Variants in SPEG observed in about 807,000 individuals in gnomAD.
The protein encoded by SPEG is striated muscle enriched protein kinase, also known as striated muscle preferentially expressed protein kinase.
SPEG carries 114 observed loss-of-function variants against 300.4 expected under a neutral mutation model. The observed-to-expected ratio is 0.38, with a 90% CI of 0.33 to 0.44. The LOEUF (loss-of-function observed/expected upper bound fraction) is 0.44. Ranked by LOEUF, SPEG falls within the 20% of genes least tolerant of loss-of-function variation. The pLI is 1.00. For synonymous variants in SPEG, 1,964 were observed against 2,018.9 expected (o/e 0.97, Z 0.73); for missense variants, 4,201 against 4,586.2 (o/e 0.92, Z 2.43).
chr2:219,492,226 CTCT>C lies in SPEG; in HGVS notation c.9582_9584del (p.Phe3194del). 2 of 1,613,686 alleles carry C rather than the reference CTCT, an allele frequency of 1.2e-6. No homozygotes were observed. Among genetic ancestry groups the C allele is most frequent in the Non-Finnish European group, 1.7e-6 (2 of 1,179,872 alleles). ...CCCCAATACATCCCAGAGCGCCACC[CTCT>C]TCTTGCGAAAGGTTCTCTCTGTACA... On this transcript the variant is annotated inframe_deletion, in exon 40 of 41. Transcript: ENST00000312358.
At position 219,484,609 on chromosome 2, in the gene SPEG, G is replaced by A. The variant is rs746266268; in HGVS notation, c.7146G>A (p.Leu2382=). 2.6e-6 allele frequency: 4 copies of A among 1,558,352 alleles called. No homozygotes were observed. In the South Asian group the frequency reaches 3.5e-5, roughly 14 times the overall value. ...GGCCCAGCCCGGCGGGGACCCCGCT[G>A]GAGCTGGTGCGACGGCCTGAGCGCT... ...IYRPSPAGTP[L]ELVRRPERSR... is the part of the protein sequence containing the mutation. Residue 2382 remains leucine (L), a synonymous_variant, in exon 30 of 41, where the codon CTG becomes CTA. Coordinates refer to ENST00000312358, the MANE Select transcript of SPEG (RefSeq NM_005876.5).
In SPEG at chr2:219,445,952, G is replaced by A. The variant is rs1351919440; in HGVS notation, c.815+791G>A. Reference sequence around the variant, plus strand: ...AGCCATTTTTGGAGATTTGGGGCTCGCAGATACAGGAGGGAGTGCTATAGT... The same window carrying A: ...AGCCATTTTTGGAGATTTGGGGCTCACAGATACAGGAGGGAGTGCTATAGT... On this transcript the variant is annotated intron_variant, in intron 3 of 40. Transcript: ENST00000312358. This position sits in a 1 kb window ranked among gnomAD's most constrained non-coding sequence, Gnocchi z 6.1. Among the ~76,000 whole-genome samples, 4 of 152,148 alleles carry A rather than the reference G, an allele frequency of 2.6e-5. No individual in the cohort carries two copies. Among genetic ancestry groups the A allele is most frequent in the East Asian group, 1.9e-4 (1 of 5,184 alleles).
intron 1 of SPEG, chr2:219,441,571 T>C: frequency 2.1e-6 from 1 of 470,826 alleles, no homozygotes; most frequent in Non-Finnish European, 4.4e-6. Context: ...CTGCTGACCT[T>C]CCAGAGAGGC....
rs773027324 is a variant in SPEG at position 219,479,211 on chromosome 2, G to C, written c.5085+10G>C. On this transcript the variant is annotated intron_variant, in intron 23 of 40. Transcript: ENST00000312358. This position sits in a 1 kb window ranked among gnomAD's most constrained non-coding sequence, Gnocchi z 5.5. The stretch of plus-strand genomic sequence containing the variant: ...CGTGTGTGAGTCTGAGGTGAGGGCA[G>C]TGGGTGGCAGGGGCCAGGTTGGGCA... 1.9e-6 allele frequency: 3 copies of C among 1,612,632 alleles called. No homozygotes were observed. Among genetic ancestry groups the C allele is most frequent in the South Asian group, 2.2e-5 (2 of 91,042 alleles).
In SPEG at chr2:219,492,665, G is replaced by A. The variant is rs1291052959; in HGVS notation, c.9683G>A (p.Arg3228His). The A allele has an allele frequency of 3.7e-6, 6 of 1,610,818 alleles. No individual in the cohort carries two copies. The highest frequency in any genetic ancestry group is 2.2e-5 in the East Asian group (1 of 44,880). Reference protein sequence around the residue: ...LQDAYLMKLRRQTLTFTTNRL... With the variant: ...LQDAYLMKLRHQTLTFTTNRL... Reference sequence around the variant, plus strand: ...GACGCCTACCTGATGAAGCTGCGCCGCCAGACGCTCACCTTCACCACCAAC... The same window carrying A: ...GACGCCTACCTGATGAAGCTGCGCCACCAGACGCTCACCTTCACCACCAAC... Residue 3228 changes from arginine (R) to histidine (H), a missense_variant, in exon 41 of 41, where the codon CGC becomes CAC. Arg to His is a conservative substitution (Grantham distance 29, BLOSUM62 0). Around this residue, in one of 4 missense-constraint regions of SPEG, gnomAD observed 318 missense variants for 429.5 expected, o/e 0.74. Coordinates refer to ENST00000312358, the MANE Select transcript of SPEG (RefSeq NM_005876.5).
In SPEG at chr2:219,448,847, G is replaced by C; in HGVS notation, c.1689G>C (p.Lys563Asn). Residue 563 changes from lysine (K) to asparagine (N), a missense_variant, in exon 4 of 41, where the codon AAG (lysine) becomes AAC (asparagine). Lys to Asn is a moderately conservative substitution (Grantham distance 94). This residue lies in a region of SPEG where 1,258 missense variants were observed against 1,293.9 expected (regional missense o/e 0.97). Transcript: ENST00000312358. The stretch of plus-strand genomic sequence containing the variant: ...CGCCCTCTCCGAGCAGCGCGGAGAA[G>C]CCGGGGGACGAGCCTGGGAGGCCCA... ...AQPPSPSSAE[K>N]PGDEPGRPRS... The C allele has an allele frequency of 7.1e-7, 1 of 1,401,608 alleles. No individual in the cohort carries two copies. Among genetic ancestry groups the C allele is most frequent in the Non-Finnish European group, 9.2e-7 (1 of 1,086,282 alleles). 86.8% of individuals were successfully genotyped at this position (1,401,608 alleles called of 1,614,324 possible).
intron 4 of SPEG, among the ~76,000 whole-genome samples, 163 bp downstream of exon 4, chr2:219,449,434 A>T (rs1689575127): frequency 6.6e-6 from 1 of 152,222 alleles, no homozygotes; most frequent in Non-Finnish European, 1.5e-5. Context: ...CACAGGCTCG[A>T]CTTTGAGTGA....
chr2:219,477,216 C>CGGGGCTTGGTACAGCGGCT lies in SPEG; in HGVS notation c.4561-61_4561-60insGGGGCTTGGTACAGCGGCT. The CGGGGCTTGGTACAGCGGCT allele has an allele frequency of 2.0e-6, 3 of 1,467,326 alleles. No individual in the cohort carries two copies. Among genetic ancestry groups the CGGGGCTTGGTACAGCGGCT allele is most frequent in the South Asian group, 2.6e-5 (2 of 77,936 alleles). The allele number at this position is 1,467,326 out of a possible 1,614,324, so 90.9% of individuals were successfully genotyped here. ...GCGCTGCCCAGAGTAGGAGATGAGG[C>CGGGGCTTGGTACAGCGGCT]CCTGGCCCCAAGGTAGAGATGAGGC... On this transcript the variant is annotated intron_variant, in intron 19 of 40. Transcript: ENST00000312358. This position sits in a 1 kb window ranked among gnomAD's most constrained non-coding sequence, Gnocchi z 6.4.
At chr2:219,465,047 A>C (rs576751917) in intron 9 of SPEG, 1 of 141,750 alleles carries the variant, frequency 7.1e-6, no homozygotes, top group East Asian at 2.5e-4. Flanking sequence ...AGCGGTGGGG[A>C]GAGTCTGGTG....
At position 219,464,563 on chromosome 2, in the gene SPEG, A is replaced by C; in HGVS notation, c.2836A>C (p.Asn946His). The C allele has an allele frequency of 6.2e-7, 1 of 1,614,246 alleles. No individual in the cohort carries two copies. The change falls in exon 9 of 41, where the codon AAT becomes CAT. Residue 946 changes from asparagine to histidine, a missense_variant. Transcript: ENST00000312358. The surrounding 1 kb of genome is among the most constrained non-coding windows in gnomAD (Gnocchi z 4.5). ...TGGTTTCTACACTTGCAAAGCGGTC[A>C]ATGAGTATGGTGCTCGGCAGTGCGA... ...DAGFYTCKAV[N>H]EYGARQCEAR...
At position 219,482,905 on chromosome 2, in the gene SPEG, A is replaced by G. The variant is rs994635700; in HGVS notation, c.5634+53A>G. 11 of 1,568,200 alleles carry G rather than the reference A, an allele frequency of 7.0e-6. No homozygotes were observed. In the African/African-American group the frequency reaches 1.5e-4, roughly 21 times the overall value. ...TTTCCACCTTCTCCTTTTCTCTAGC[A>G]CTGCCTTCCCCCTCCCGTGGGCCTT... is the stretch of plus-strand genomic sequence containing the variant. On this transcript the variant is annotated intron_variant, in intron 29 of 40. Transcript: ENST00000312358.
chr2:219,455,108 A>C lies in SPEG; in HGVS notation c.2440+3301A>C, dbSNP rs535790446. 5.3e-5 allele frequency among the ~76,000 whole-genome samples: 8 copies of C among 152,308 alleles called. No individual in the cohort carries two copies. The East Asian group carries it at 1.5e-3, about 29-fold the overall frequency. ...GACTCTGTCTCAAAATAAATAAATA[A>C]ATAAATAAATAAAAAATACATGACC... is the stretch of plus-strand genomic sequence containing the variant. On this transcript the variant is annotated intron_variant, in intron 6 of 40. Coordinates refer to ENST00000312358, the MANE Select transcript of SPEG (RefSeq NM_005876.5).
At position 219,443,065 on chromosome 2, in the gene SPEG, C is replaced by A; in HGVS notation, c.389-1588C>A. The A allele has an allele frequency of 3.8e-6, 6 of 1,580,220 alleles. No individual in the cohort carries two copies. Among genetic ancestry groups the A allele is most frequent in the Non-Finnish European group, 5.2e-6 (6 of 1,155,252 alleles). The stretch of plus-strand genomic sequence containing the variant: ...ATGGGAGGCACAGGGACCTTAGGAA[C>A]AAGCCTCCCCCTCAACTACTCATTC... On this transcript the variant is annotated intron_variant, in intron 1 of 40. Transcript: ENST00000312358. This position sits in a 1 kb window ranked among gnomAD's most constrained non-coding sequence, Gnocchi z 4.6.
chr2:219,486,492 A>T (rs927256674), intron 31 of SPEG, among the ~76,000 whole-genome samples: 5 of 151,796 alleles, frequency 3.3e-5, no homozygotes, highest in Admixed American at 1.3e-4. Flanking sequence ...AGAGAAAAGG[A>T]TGGAGGGAAG....
chr2:219,483,436 C>A lies in SPEG; in HGVS notation c.5973C>A (p.Ala1991=). The change falls in exon 30 of 41, where the codon GCC becomes GCA. Residue 1991 remains alanine (A), a synonymous_variant. Coordinates refer to ENST00000312358, the MANE Select transcript of SPEG (RefSeq NM_005876.5). ...ACCAGGAGGCTCCCAGCCCAGAGGC[C>A]CTCCCCTCCCCAGGCCAGGAGCCCG... ...SQDQEAPSPE[A]LPSPGQEPAA... 1 of 1,549,752 alleles carries A rather than the reference C, an allele frequency of 6.5e-7. No homozygotes were observed. Among genetic ancestry groups the A allele is most frequent in the South Asian group, 1.2e-5 (1 of 84,642 alleles).
In SPEG at chr2:219,480,685, T is replaced by A; in HGVS notation, c.5357T>A (p.Val1786Asp). 6.2e-7 allele frequency: 1 copy of A among 1,613,938 alleles called. No homozygotes were observed. Among genetic ancestry groups the A allele is most frequent in the Non-Finnish European group, 8.5e-7 (1 of 1,179,856 alleles). Residue 1786 changes from valine to aspartate, a missense_variant, in exon 26 of 41, where the codon GTT becomes GAT. Physicochemically the swap from Val to Asp is radical, Grantham distance 152. Coordinates refer to ENST00000312358, the MANE Select transcript of SPEG (RefSeq NM_005876.5). The surrounding 1 kb of genome is among the most constrained non-coding windows in gnomAD (Gnocchi z 5.3). Reference sequence around the variant, plus strand: ...TTTTCCCACAGGCCTGTGGGTGTTGTTGCCTTCCTCTGGTAAGGACCCCTC... The same window carrying A: ...TTTTCCCACAGGCCTGTGGGTGTTGATGCCTTCCTCTGGTAAGGACCCCTC... ...GVTDIWPVGV[V>D]AFLCLTGISP...
rs770022669 is a variant in SPEG, at chr2:219,464,394, C to A, written c.2706-39C>A. The A allele has an allele frequency of 8.2e-6, 13 of 1,582,720 alleles. No homozygotes were observed. Among genetic ancestry groups the A allele is most frequent in the Non-Finnish European group, 1.1e-5 (13 of 1,167,616 alleles). ...CCAGTTCCTGTGCACGCACATCAGG[C>A]CCCTGGGCCCTGGGACTGAGTTCTT... On this transcript the variant is annotated intron_variant, in intron 8 of 40. Transcript: ENST00000312358. The surrounding 1 kb of genome is among the most constrained non-coding windows in gnomAD (Gnocchi z 4.5).
chr2:219,471,016 A>G (rs917637167), intron 13 of SPEG, among the ~76,000 whole-genome samples: 1 of 152,146 alleles, frequency 6.6e-6, no homozygotes, highest in East Asian at 1.9e-4. Flanking sequence ...CTCTTTAAGG[A>G]GCTTGCAGAC....
Position 219,448,804 on chromosome 2 carries a change from G to A in SPEG, c.1646G>A (p.Ser549Asn). The change falls in exon 4 of 41, where the codon AGC becomes AAC. Residue 549 changes from serine to asparagine, a missense_variant. Ser to Asn is a conservative substitution (Grantham distance 46, BLOSUM62 1). Coordinates refer to ENST00000312358, the MANE Select transcript of SPEG (RefSeq NM_005876.5). ...ACCCCCAAGACATCGCGGGCCGTGAGCCCCGCCGCCGCCCAGCCGCCCTCT... is the reference window on the plus strand; with the variant it reads ...ACCCCCAAGACATCGCGGGCCGTGAACCCCGCCGCCGCCCAGCCGCCCTCT... ...PSTPKTSRAV[S>N]PAAAQPPSPS... 1 of 1,402,372 alleles carries A rather than the reference G, an allele frequency of 7.1e-7. No individual in the cohort carries two copies. The highest frequency in any genetic ancestry group is 9.2e-7 in the Non-Finnish European group (1 of 1,086,444). 86.9% of individuals were successfully genotyped at this position (1,402,372 alleles called of 1,614,324 possible). A position where few individuals can be genotyped will look rare whatever the true frequency, so the allele number is the denominator to read the frequency against.
Sources: allele counts gnomAD v4.1 joint callset (sites outside exome capture counted in the v4.1 genomes callset), GRCh38; gene constraint gnomAD v4.1.1; regional missense constraint gnomAD v4.1.1; non-coding constraint Gnocchi (gnomAD v3.1); transcripts MANE v1.5; gene names NCBI Gene and HGNC (gene_info 2026-07-23, HGNC 2026-07-21).